ZNF571: variants seen among roughly 807,000 people sequenced by gnomAD.
ZNF571 encodes zinc finger protein 571.
Under a neutral mutation model 7.7 loss-of-function variants are expected in ZNF571, and 4 were observed. That is an observed-to-expected ratio of 0.52 (90% CI 0.25 to 1.18). ZNF571 has a LOEUF of 1.18. Ranked by LOEUF, ZNF571 falls within the 50% of genes most tolerant of loss-of-function variation. ZNF571 has a pLI of 0.14. For missense variants in ZNF571, 704 were observed against 726.9 expected (o/e 0.97, Z 0.36); for synonymous variants, 251 against 232.4 (o/e 1.08, Z -0.73).
Position 37,565,288 on chromosome 19 carries a change from G to T in ZNF571, c.1140C>A (p.Tyr380Ter). The T allele has an allele frequency of 6.2e-7, 1 of 1,608,962 alleles. No homozygotes were observed. Among genetic ancestry groups the T allele is most frequent in the Non-Finnish European group, 8.5e-7 (1 of 1,177,760 alleles). ...KTFFRGSQLT[Y>*]HLRVHSGERP... The stretch of plus-strand genomic sequence containing the variant: ...TCTCACCTGAATGAACTCTCAGGTG[G>T]TAAGTAAGTTGTGAGCCACGAAAAA... The change falls in exon 4 of 4, where the codon TAC becomes TAA. Residue 380 changes from tyrosine (Y) to a stop codon, truncating the protein, a stop_gained. Coordinates refer to ENST00000451802, the MANE Select transcript of ZNF571 (RefSeq NM_016536.5). LOFTEE classifies it low-confidence loss of function (END_TRUNC).
At chr19:37,584,198 A>T in intron 2 of ZNF571, 101 bp from the exon 3 acceptor site, 2 of 1,556,496 alleles carry the variant, frequency 1.3e-6, no homozygotes, top group Non-Finnish European at 1.7e-6. Flanking sequence ...AGTAACACAA[A>T]ACAACAGGAA....
chr19:37,581,113 A>G (rs1250318703), intron 3 of ZNF571, among the ~76,000 whole-genome samples: 1 of 152,218 alleles, frequency 6.6e-6, no homozygotes, highest in East Asian at 1.9e-4. Context: ...TGAAGCCTTA[A>G]AACGTGAGAC....
In ZNF571 at chr19:37,564,339, C is replaced by A. The variant is rs966493888; in HGVS notation, c.*259G>T. ...TATTTTACAAATAGAAAAGAACACA[C>A]AAGAAATATATAGGATTTCAGTTAG... On this transcript the variant is annotated 3_prime_UTR_variant, in exon 4 of 4. Coordinates refer to ENST00000451802, the MANE Select transcript of ZNF571 (RefSeq NM_016536.5). 4 of 317,842 alleles carry A rather than the reference C, an allele frequency of 1.3e-5. No individual in the cohort carries two copies. The highest frequency in any genetic ancestry group is 2.1e-5 in the African/African-American group (1 of 46,774). 19.7% of individuals were successfully genotyped at this position (317,842 alleles called of 1,614,324 possible).
chr19:37,564,999 T>A lies in ZNF571; in HGVS notation c.1429A>T (p.Lys477Ter), dbSNP rs2042797781. ...CGTACAAAGGTCTTCCCACATTCCTTACATTCATAATGTTTCTCACCATGA... is the reference window on the plus strand; with the variant it reads ...CGTACAAAGGTCTTCCCACATTCCTAACATTCATAATGTTTCTCACCATGA... ...KIHGEKHYEC[K>*]ECGKTFVRAT... is the part of the protein sequence containing the mutation. Residue 477 changes from lysine to a stop codon, truncating the protein, a stop_gained, in exon 4 of 4, where the codon AAG becomes TAG. Coordinates refer to ENST00000451802, the MANE Select transcript of ZNF571 (RefSeq NM_016536.5). LOFTEE classifies it low-confidence loss of function (END_TRUNC). 6.2e-7 allele frequency: 1 copy of A among 1,613,822 alleles called. No homozygotes were observed. Among genetic ancestry groups the A allele is most frequent in the Non-Finnish European group, 8.5e-7 (1 of 1,179,898 alleles).
At chr19:37,584,133 G>A in intron 2 of ZNF571, 36 bp from the exon 3 acceptor site, 1 of 1,612,750 alleles carries the variant, frequency 6.2e-7, no homozygotes, top group South Asian at 1.1e-5. Flanking sequence ...TGATTCTACA[G>A]GAATGATTCT....
At chr19:37,584,949 G>A (rs1294445969) in intron 2 of ZNF571, 1 of 145,436 alleles carries the variant, frequency 6.9e-6, no homozygotes, top group African/African-American at 2.6e-5. Flanking sequence ...GGGCCACAGA[G>A]CGAGACTCCG....
chr19:37,571,368 C>T (rs1221769622), intron 3 of ZNF571, among the ~76,000 whole-genome samples: 1 of 151,928 alleles, frequency 6.6e-6, no homozygotes, highest in Non-Finnish European at 1.5e-5. Flanking sequence ...TGGTGGCAGG[C>T]ACCTGTAATC....
chr19:37,579,884 T>C (rs866696781), intron 3 of ZNF571, among the ~76,000 whole-genome samples: 83 of 152,294 alleles, frequency 5.4e-4, no homozygotes, highest in African/African-American at 1.6e-3. Context: ...TTTATTCTGA[T>C]ATTTTTGTCT....
intron 3 of ZNF571, chr19:37,567,669 C>T (rs2042908290): frequency 6.6e-6 from 1 of 152,180 alleles, no homozygotes; most frequent in South Asian, 2.1e-4. Flanking sequence ...GTGGCCACCT[C>T]CTTTGCGTGT....
chr19:37,567,302 C>T (rs1393688604), intron 3 of ZNF571, among the ~76,000 whole-genome samples: 1 of 152,184 alleles, frequency 6.6e-6, no homozygotes, highest in Non-Finnish European at 1.5e-5. Context: ...TGCTGGCATT[C>T]AATATTTGTC....
intron 3 of ZNF571, among the ~76,000 whole-genome samples, chr19:37,582,805 G>A (rs2043519050): frequency 6.6e-6 from 1 of 152,030 alleles, no homozygotes; most frequent in Non-Finnish European, 1.5e-5. Context: ...CCAATTCCAA[G>A]CCACTGTTAT....
intron 3 of ZNF571, among the ~76,000 whole-genome samples, chr19:37,577,277 G>A (rs2043275135): frequency 6.6e-6 from 1 of 151,854 alleles, no homozygotes. Flanking sequence ...TCATAACAAA[G>A]TAAGCATACT....
chr19:37,594,247 C>G (rs948944761), intron 1 of ZNF571: 5 of 152,304 alleles, frequency 3.3e-5, no homozygotes, highest in African/African-American at 1.2e-4. Context: ...GCAGCTGTAA[C>G]CGCACGATTC....
rs375408068 is a variant in ZNF571 at position 37,571,089 on chromosome 19, TA to T, written c.137-4799del. On this transcript the variant is annotated intron_variant, in intron 3 of 3. Coordinates refer to ENST00000451802, the MANE Select transcript of ZNF571 (RefSeq NM_016536.5). ...GAATCACTCATTGTGTATTCATCTG[TA>T]GCTCATACAGCATTACTAATTATAG... 7.9e-5 allele frequency among the ~76,000 whole-genome samples: 12 copies of T among 152,358 alleles called. No individual in the cohort carries two copies. In the South Asian group the frequency reaches 2.5e-3, roughly 32 times the overall value.
chr19:37,580,401 T>G (rs564358148), intron 3 of ZNF571, among the ~76,000 whole-genome samples: 1 of 152,370 alleles, frequency 6.6e-6, no homozygotes, highest in South Asian at 2.1e-4. Context: ...AAATCCATTT[T>G]GTATTTGTAG....
In ZNF571 at chr19:37,586,971, CTT is replaced by C. The variant is rs937664007; in HGVS notation, c.-69-228_-69-227del. 5.1e-5 allele frequency: 21 copies of C among 409,594 alleles called. 1 individual carries two copies. The highest frequency in any genetic ancestry group is 4.1e-4 in the African/African-American group (20 of 48,434). The allele number at this position is 409,594 out of a possible 1,614,324, so 25.4% of individuals were successfully genotyped here. The stretch of plus-strand genomic sequence containing the variant: ...CTGTTACTTTCCCATGGCATCTCCT[CTT>C]CCACAGTAGAACAGAGGCATGCCCA... On this transcript the variant is annotated intron_variant, in intron 1 of 3. Transcript: ENST00000451802.
intron 3 of ZNF571, among the ~76,000 whole-genome samples, chr19:37,580,413 T>C (rs1196984620): frequency 1.3e-5 from 2 of 152,262 alleles, no homozygotes; most frequent in Non-Finnish European, 2.9e-5. Flanking sequence ...TATTTGTAGG[T>C]GTTAGCTTGA....
chr19:37,584,191 AAC>A (rs930547385), intron 2 of ZNF571, 94 bp from the exon 3 acceptor site: 85 of 1,566,292 alleles, frequency 5.4e-5, no homozygotes, highest in Non-Finnish European at 7.3e-5. Context: ...GGAAGCAAGT[AAC>A]ACAAAACAAC....
Position 37,566,050 on chromosome 19 carries a change from AGAAGAGGTT to A in ZNF571, c.369_377del (p.Ser125_Thr127del), listed in dbSNP as rs757604894. The A allele has an allele frequency of 1.9e-6, 3 of 1,614,126 alleles. No individual in the cohort carries two copies. In the South Asian group the frequency reaches 3.3e-5, roughly 18 times the overall value. On this transcript the variant is annotated inframe_deletion, in exon 4 of 4. Transcript: ENST00000451802. ...TGGTAGGAATTATCCGATGAAAAGT[AGAAGAGGTT>A]GAATGACTTTCAGTGGCCTTTTCTT...
Sources: gnomAD v4.1 joint callset for allele counts (sites outside exome capture counted in the v4.1 genomes callset) on GRCh38, gnomAD v4.1.1 for gene constraint, MANE v1.5 for transcripts, NCBI Gene and HGNC (gene_info 2026-07-23, HGNC 2026-07-21) for gene names.